Variants in CHD6 observed in about 807,000 individuals in gnomAD.
The protein encoded by CHD6 is chromodomain helicase DNA binding protein 6, also known as ATP-dependent chromatin remodeler CHD6.
CHD6 carries 50 observed loss-of-function variants against 276.9 expected under a neutral mutation model. The ratio of observed to expected loss-of-function variants is 0.18; its 90% CI spans 0.14 to 0.23. CHD6 has a LOEUF of 0.23. Among genes scored for constraint, CHD6 ranks in the 10% least tolerant of loss-of-function variants. The pLI is 1.00. For synonymous variants in CHD6, 1,173 were observed against 1,229.3 expected, an observed-to-expected ratio of 0.95 and a Z score of 0.96; for missense variants, 2,564 against 3,365.8, an observed-to-expected ratio of 0.76 and a Z score of 5.89.
In CHD6 at chr20:41,500,084, T is replaced by C. The variant is rs2043795386; in HGVS notation, c.853-727A>G. 2.0e-5 allele frequency among the ~76,000 whole-genome samples: 3 copies of C among 152,138 alleles called. No individual in the cohort carries two copies. In the South Asian group the frequency reaches 6.2e-4, roughly 32 times the overall value. ...TATTTATAGTTAAAAACACAAAATG[T>C]TTAACATTCTTTCTAGAACCTCAAG... On this transcript the variant is annotated intron_variant, in intron 5 of 36. Transcript: ENST00000373233.
chr20:41,592,302 G>A (rs896781227), intron 1 of CHD6, among the ~76,000 whole-genome samples: 18 of 152,130 alleles, frequency 1.2e-4, no homozygotes, highest in African/African-American at 4.3e-4. Flanking sequence ...CAAGAAAAGT[G>A]GGTAAAGTCA....
At chr20:41,456,876 G>GT (rs1441367499) in intron 18 of CHD6, among the ~76,000 whole-genome samples, 4 of 152,160 alleles carry the variant, frequency 2.6e-5, no homozygotes, top group African/African-American at 9.7e-5. Flanking sequence ...GCCGAGCACT[G>GT]TTAGGGGCCG....
intron 1 of CHD6, among the ~76,000 whole-genome samples, chr20:41,597,969 C>T (rs1419074864): frequency 6.6e-6 from 1 of 152,050 alleles, no homozygotes; most frequent in Non-Finnish European, 1.5e-5. Context: ...ACTGGGAATC[C>T]CGTCCTCTGC....
chr20:41,607,364 G>A lies in CHD6; in HGVS notation c.-24+10976C>T, dbSNP rs537314964. On this transcript the variant is annotated intron_variant, in intron 1 of 36. Coordinates refer to ENST00000373233, the MANE Select transcript of CHD6 (RefSeq NM_032221.5). ...TAATCTGACATTGATCATGATGCTT[G>A]TAGTGGCAGTTTACCTTTCTGTCTC... 3.9e-5 allele frequency among the ~76,000 whole-genome samples: 6 copies of A among 152,284 alleles called. No homozygotes were observed. The East Asian group carries it at 1.2e-3, about 29-fold the overall frequency.
intron 3 of CHD6, among the ~76,000 whole-genome samples, chr20:41,527,389 C>G (rs963684999): frequency 1.3e-5 from 2 of 152,132 alleles, no homozygotes; most frequent in African/African-American, 2.4e-5. Context: ...CCACTGCACT[C>G]CAGCCTGGGC....
Position 41,572,975 on chromosome 20 carries a change from T to C in CHD6, c.-23-21615A>G, listed in dbSNP as rs188386975. ...CCCAGGCTGGAGTGCAGTGGCACGA[T>C]CTCGGCTCACTGCAAGCTCTGCCTC... is the stretch of plus-strand genomic sequence containing the variant. On this transcript the variant is annotated intron_variant, in intron 1 of 36. Coordinates refer to ENST00000373233, the MANE Select transcript of CHD6 (RefSeq NM_032221.5). Among the ~76,000 whole-genome samples the C allele has an allele frequency of 2.4e-4, 36 of 152,202 alleles. 1 individual carries two copies. The East Asian group carries it at 6.6e-3, about 28-fold the overall frequency.
chr20:41,543,323 C>A (rs180810252), intron 2 of CHD6, among the ~76,000 whole-genome samples: 14 of 152,164 alleles, frequency 9.2e-5, no homozygotes, highest in African/African-American at 3.4e-4. Context: ...GATTTGACTC[C>A]CATTTCAAGG....
chr20:41,420,401 T>C, intron 31 of CHD6, 107 bp downstream of exon 31: 4 of 1,251,248 alleles, frequency 3.2e-6, no homozygotes, highest in Non-Finnish European at 4.4e-6. Flanking sequence ...TAGGCAGGTC[T>C]GTTTCAGAAG....
Position 41,545,490 on chromosome 20 carries a change from CT to C in CHD6, c.33+5814del, listed in dbSNP as rs141875328. On this transcript the variant is annotated intron_variant, in intron 2 of 36. Transcript: ENST00000373233. ...GGGTGAGGCTCTTTAGTCATCTAGG[CT>C]AGTTATTGGCCCAGATGATCTTCAG... Among the ~76,000 whole-genome samples the C allele has an allele frequency of 4.5e-3, 678 of 152,168 alleles. 2 individuals are homozygous for C. Among genetic ancestry groups the C allele is most frequent in the Non-Finnish European group, 5.9e-3 (402 of 67,994 alleles).
intron 17 of CHD6, among the ~76,000 whole-genome samples, chr20:41,470,566 T>C (rs1464186864): frequency 6.6e-6 from 1 of 152,314 alleles, no homozygotes; most frequent in Non-Finnish European, 1.5e-5. Flanking sequence ...CACTATCCAA[T>C]TTCAGTTTGG....
chr20:41,412,451 TC>T (rs1183155324), intron 35 of CHD6, among the ~76,000 whole-genome samples, 188 bp from the exon 36 acceptor site: 2 of 152,200 alleles, frequency 1.3e-5, no homozygotes, highest in Admixed American at 6.5e-5. Flanking sequence ...GCACCAGTGT[TC>T]CTACAGTAAT....
intron 1 of CHD6, among the ~76,000 whole-genome samples, chr20:41,597,759 C>T (rs893557818): frequency 6.6e-6 from 1 of 152,016 alleles, no homozygotes; most frequent in African/African-American, 2.4e-5. Context: ...CTTAGCTACC[C>T]CACATCTCAT....
At chr20:41,422,202 G>C (rs2047217764) in intron 30 of CHD6, 123 bp from the exon 31 acceptor site, 1 of 979,462 alleles carries the variant, frequency 1.0e-6, no homozygotes, top group African/African-American at 1.6e-5. Context: ...GGCAGTTTCA[G>C]GTGTGTGAGC....
At chr20:41,490,539 G>A (rs902395954) in intron 11 of CHD6, among the ~76,000 whole-genome samples, 11 of 152,160 alleles carry the variant, frequency 7.2e-5, no homozygotes, top group Non-Finnish European at 1.2e-4. Context: ...CTGGCCAGGC[G>A]CGGTGGCTCA....
intron 16 of CHD6, among the ~76,000 whole-genome samples, chr20:41,482,891 C>T (rs1435781712): frequency 6.6e-6 from 1 of 152,080 alleles, no homozygotes. Flanking sequence ...CATTCTTTCT[C>T]TGTGAGTTGC....
chr20:41,572,824 A>G (rs1422294373), intron 1 of CHD6, among the ~76,000 whole-genome samples: 1 of 152,236 alleles, frequency 6.6e-6, no homozygotes, highest in African/African-American at 2.4e-5. Context: ...TATCCCATTC[A>G]GAGTATAAAT....
intron 1 of CHD6, among the ~76,000 whole-genome samples, chr20:41,611,911 T>C (rs2045891165): frequency 6.6e-6 from 1 of 152,216 alleles, no homozygotes; most frequent in Non-Finnish European, 1.5e-5. Context: ...GTGCTGGGAT[T>C]ACAGGTGTGA....
intron 2 of CHD6, among the ~76,000 whole-genome samples, chr20:41,546,933 T>C (rs1256843452): frequency 6.6e-6 from 1 of 152,360 alleles, no homozygotes; most frequent in South Asian, 2.1e-4. Flanking sequence ...TATTATGCCC[T>C]TTCTGGTTAA....
intron 3 of CHD6, among the ~76,000 whole-genome samples, chr20:41,527,053 T>C (rs1203378029): frequency 6.6e-6 from 1 of 152,198 alleles, no homozygotes; most frequent in Non-Finnish European, 1.5e-5. Context: ...AGAAAGAATA[T>C]GAACCATTCT....
Sources: allele counts gnomAD v4.1 joint callset (sites outside exome capture counted in the v4.1 genomes callset), GRCh38; gene constraint gnomAD v4.1.1; transcripts MANE v1.5; gene names NCBI Gene and HGNC (gene_info 2026-07-23, HGNC 2026-07-21).